Variants in ITPRID1 observed in about 807,000 individuals in gnomAD.
ITPRID1 encodes ITPR interacting domain containing 1, also known as protein ITPRID1.
A neutral mutation model predicts 95.4 loss-of-function variants in ITPRID1; 96 were observed. The ratio of observed to expected loss-of-function variants is 1.01; its 90% confidence interval spans 0.85 to 1.19. ITPRID1 has a LOEUF of 1.19. ITPRID1 is among the 50% of genes most tolerant of loss of function. The probability of loss-of-function intolerance (pLI) is 0.00; values close to 1 mark genes in which losing one functional copy is unlikely to be tolerated. For missense variants in ITPRID1, 1,339 were observed against 1,252.9 expected, an observed-to-expected ratio of 1.07 and a Z score of -1.04; for synonymous variants, 510 against 453.6, an observed-to-expected ratio of 1.12 and a Z score of -1.58.
rs1355871547 is a variant in ITPRID1, at chr7:31,524,524, A to G, written c.-98+10404A>G. On this transcript the variant is annotated intron_variant, in intron 1 of 14. Coordinates refer to ENST00000615280, the MANE Select transcript of ITPRID1 (RefSeq NM_001257967.3). ...GCTGCCTCCATTTTGTTACTTTTCT[A>G]TATGGCCAGAATTAACATGTTCATT... Among the ~76,000 whole-genome samples, 5 of 152,342 alleles carry G rather than the reference A, an allele frequency of 3.3e-5. No homozygotes were observed. The South Asian group carries it at 1.0e-3, about 32-fold the overall frequency.
At chr7:31,640,071 T>C (rs1789882184) in intron 10 of ITPRID1, among the ~76,000 whole-genome samples, 1 of 152,212 alleles carries the variant, frequency 6.6e-6, no homozygotes, top group East Asian at 1.9e-4. Context: ...GGACACAAGT[T>C]ACTTGGAAAC....
Position 31,653,028 on chromosome 7 carries a change from G to A in ITPRID1, c.*199G>A, listed in dbSNP as rs1791101083. On this transcript the variant is annotated 3_prime_UTR_variant, in exon 15 of 15. Transcript: ENST00000615280. ...TCAGTATAGAATAACTGAGCACCTA[G>A]TATGTGCCTGGCACAGAGTATGCAA... The A allele has an allele frequency of 7.5e-7, 1 of 1,340,806 alleles. No individual in the cohort carries two copies. Among genetic ancestry groups the A allele is most frequent in the Non-Finnish European group, 9.8e-7 (1 of 1,021,070 alleles). The allele number at this position is 1,340,806 out of a possible 1,614,324, so 83.1% of individuals were successfully genotyped here. A position where few individuals can be genotyped will look rare whatever the true frequency, so the allele number is the denominator to read the frequency against.
At chr7:31,524,816 A>T (rs1029229298) in intron 1 of ITPRID1, among the ~76,000 whole-genome samples, 1 of 152,180 alleles carries the variant, frequency 6.6e-6, no homozygotes, top group African/African-American at 2.4e-5. Flanking sequence ...GTCTATCTTC[A>T]TCTTACAAAG....
intron 10 of ITPRID1, among the ~76,000 whole-genome samples, chr7:31,587,166 G>C (rs1027026587): frequency 4.5e-4 from 68 of 152,252 alleles, no homozygotes; most frequent in African/African-American, 1.3e-3. Flanking sequence ...AGGAAATAAA[G>C]GGTATTCAAT....
chr7:31,657,700 T>G (rs138066530), downstream of ITPRID1, among the ~76,000 whole-genome samples: 1 of 152,272 alleles, frequency 6.6e-6, no homozygotes, highest in East Asian at 1.9e-4. Flanking sequence ...TTTTATGCAT[T>G]GACCATATTC....
intron 10 of ITPRID1, among the ~76,000 whole-genome samples, chr7:31,594,838 C>T (rs1786013497): frequency 6.6e-6 from 1 of 150,492 alleles, no homozygotes; most frequent in Non-Finnish European, 1.5e-5. Flanking sequence ...GCCTGTGCAA[C>T]AGAGCAAGAC....
chr7:31,623,011 G>A (rs1294571450), intron 10 of ITPRID1, among the ~76,000 whole-genome samples: 1 of 152,146 alleles, frequency 6.6e-6, no homozygotes, highest in African/African-American at 2.4e-5. Context: ...TAGAAGAAAT[G>A]GATAAATTCC....
intron 3 of ITPRID1, 27 bp from the exon 4 acceptor site, chr7:31,554,448 A>G (rs1784382807): frequency 6.2e-7 from 1 of 1,608,846 alleles, no homozygotes; most frequent in South Asian, 1.1e-5. Flanking sequence ...TGCTTTGACT[A>G]ACTGATCTGT....
At chr7:31,583,255 T>C in intron 10 of ITPRID1, 64 bp downstream of exon 10, 2 of 1,097,916 alleles carry the variant, frequency 1.8e-6, no homozygotes, top group Non-Finnish European at 2.8e-6. Flanking sequence ...AACTGGTATT[T>C]AAATTTCTTA....
chr7:31,648,972 G>C (rs1478849004), intron 12 of ITPRID1, among the ~76,000 whole-genome samples: 5 of 152,188 alleles, frequency 3.3e-5, no homozygotes, highest in Non-Finnish European at 7.3e-5. Context: ...TGGTCTACAA[G>C]ATCTTTTCTG....
chr7:31,554,776 C>T, intron 4 of ITPRID1, 82 bp from the exon 5 acceptor site: 1 of 1,227,530 alleles, frequency 8.1e-7, no homozygotes, highest in Non-Finnish European at 1.2e-6. Flanking sequence ...TGCATTTGCT[C>T]TCACCTGTTT....
At chr7:31,613,898 A>G (rs1162119207) in intron 10 of ITPRID1, among the ~76,000 whole-genome samples, 2 of 152,194 alleles carry the variant, frequency 1.3e-5, no homozygotes, top group East Asian at 3.8e-4. Context: ...AATATTTGCT[A>G]ATGCATATGT....
intron 1 of ITPRID1, among the ~76,000 whole-genome samples, chr7:31,515,577 A>AAAAAC (rs985471587): frequency 7.7e-4 from 118 of 152,294 alleles, no homozygotes; most frequent in Admixed American, 1.4e-3. Flanking sequence ...CTCCGTCTCA[A>AAAAAC]AAAACAAAAC....
intron 10 of ITPRID1, among the ~76,000 whole-genome samples, chr7:31,630,649 AG>A (rs1233999213): frequency 6.6e-6 from 1 of 152,212 alleles, no homozygotes; most frequent in Non-Finnish European, 1.5e-5. Context: ...TTATAAAAAT[AG>A]ATATAAAATT....
intron 14 of ITPRID1, 90 bp downstream of exon 14, chr7:31,652,140 A>G (rs1791019540): frequency 9.9e-7 from 1 of 1,009,106 alleles, no homozygotes; most frequent in East Asian, 2.6e-5. Context: ...CAATCATTTC[A>G]GAATCTAGGT....
At chr7:31,622,608 C>G (rs570265695) in intron 10 of ITPRID1, among the ~76,000 whole-genome samples, 9,871 of 151,010 alleles carry the variant, frequency 0.065, 425 homozygotes, top group Middle Eastern at 0.12. Flanking sequence ...ATTCAAAGCA[C>G]TGTGTAGAGG....
At chr7:31,650,313 G>A (rs1790837115) in intron 12 of ITPRID1, among the ~76,000 whole-genome samples, 1 of 152,188 alleles carries the variant, frequency 6.6e-6, no homozygotes, top group Admixed American at 6.6e-5. Flanking sequence ...TGGGGGATGG[G>A]GAGGTTAAGG....
At chr7:31,622,362 G>C (rs1244754642) in intron 10 of ITPRID1, among the ~76,000 whole-genome samples, 4 of 152,006 alleles carry the variant, frequency 2.6e-5, no homozygotes, top group South Asian at 2.1e-4. Context: ...TGGAAGTAAA[G>C]CTCTCCTCAG....
intron 10 of ITPRID1, among the ~76,000 whole-genome samples, chr7:31,610,636 A>C (rs1053653843): frequency 2.0e-5 from 3 of 151,570 alleles, no homozygotes; most frequent in Admixed American, 6.6e-5. Flanking sequence ...TCAGGTCTAC[A>C]TGTGTTTTTA....
Sources: gnomAD v4.1 joint callset for allele counts (sites outside exome capture counted in the v4.1 genomes callset) on GRCh38, gnomAD v4.1.1 for gene constraint, MANE v1.5 for transcripts, NCBI Gene and HGNC (gene_info 2026-07-23, HGNC 2026-07-21) for gene names.